Variants in SUCLG2 observed in about 807,000 individuals in gnomAD.
SUCLG2 encodes the protein succinate--CoA ligase [GDP-forming] subunit beta, mitochondrial.
Under a neutral mutation model 47.9 loss-of-function variants are expected in SUCLG2, and 42 were observed. The ratio of observed to expected loss-of-function variants is 0.88; its 90% CI spans 0.69 to 1.14. The LOEUF is 1.14. Ranked by LOEUF, SUCLG2 falls within the 50% of genes most tolerant of loss-of-function variation. SUCLG2 has a pLI of 0.00. For missense variants in SUCLG2, 571 were observed against 525.9 expected, an observed-to-expected ratio of 1.09 and a Z score of -0.84; for synonymous variants, 195 against 197.3, an observed-to-expected ratio of 0.99 and a Z score of 0.10.
chr3:67,642,264 C>G (rs1701114753), intron 1 of SUCLG2, among the ~76,000 whole-genome samples: 1 of 152,136 alleles, frequency 6.6e-6, no homozygotes, highest in Non-Finnish European at 1.5e-5. Flanking sequence ...GCTGTGACAA[C>G]AAGGAAGTTG....
At chr3:67,596,008 C>A (rs1319086509) in intron 2 of SUCLG2, among the ~76,000 whole-genome samples, 1 of 152,158 alleles carries the variant, frequency 6.6e-6, no homozygotes, top group Non-Finnish European at 1.5e-5. Context: ...AAAATCATTC[C>A]ATTTTGTAAA....
intron 9 of SUCLG2, among the ~76,000 whole-genome samples, chr3:67,469,205 G>A (rs1246482323): frequency 2.0e-5 from 3 of 152,202 alleles, no homozygotes; most frequent in Non-Finnish European, 4.4e-5. Context: ...AGAGTTATAA[G>A]CTGTGGTAAG....
At chr3:67,458,879 T>C (rs541355190) in intron 9 of SUCLG2, among the ~76,000 whole-genome samples, 1 of 152,324 alleles carries the variant, frequency 6.6e-6, no homozygotes, top group South Asian at 2.1e-4. Context: ...AATATTACCA[T>C]CTCTTTTTCA....
chr3:67,439,482 A>G (rs1703705780), intron 9 of SUCLG2, among the ~76,000 whole-genome samples: 1 of 152,154 alleles, frequency 6.6e-6, no homozygotes, highest in Non-Finnish European at 1.5e-5. Context: ...TATTTAGAAA[A>G]CCCCATTGTC....
At chr3:67,392,829 T>A (rs1016001114) in intron 10 of SUCLG2, among the ~76,000 whole-genome samples, 1 of 151,888 alleles carries the variant, frequency 6.6e-6, no homozygotes, top group Non-Finnish European at 1.5e-5. Context: ...GTACTTTTTT[T>A]TTTGAGATGG....
chr3:67,398,567 T>C (rs971671717), intron 10 of SUCLG2, among the ~76,000 whole-genome samples: 40 of 151,900 alleles, frequency 2.6e-4, no homozygotes, highest in Non-Finnish European at 5.7e-4. Flanking sequence ...TTTTACACTG[T>C]TGGTGGGACT....
intron 10 of SUCLG2, among the ~76,000 whole-genome samples, chr3:67,394,723 G>T (rs910672446): frequency 2.0e-5 from 3 of 151,148 alleles, no homozygotes; most frequent in Non-Finnish European, 3.0e-5. Context: ...ATAATTGTCA[G>T]ATTCACCAAA....
intron 9 of SUCLG2, among the ~76,000 whole-genome samples, chr3:67,414,156 A>G (rs556622089): frequency 1.1e-4 from 16 of 152,158 alleles, no homozygotes; most frequent in African/African-American, 1.4e-4. Flanking sequence ...GGCATCTCCC[A>G]TTTTTTTGTT....
chr3:67,580,100 T>C (rs1707842728), intron 2 of SUCLG2, among the ~76,000 whole-genome samples: 1 of 152,224 alleles, frequency 6.6e-6, no homozygotes, highest in Non-Finnish European at 1.5e-5. Context: ...ATTTCTTAAT[T>C]ATGTTACTAC....
chr3:67,454,076 T>C (rs1704123103), intron 9 of SUCLG2, among the ~76,000 whole-genome samples: 1 of 152,214 alleles, frequency 6.6e-6, no homozygotes, highest in Non-Finnish European at 1.5e-5. Context: ...CAATATAAAT[T>C]GCTTAAAATA....
At chr3:67,610,275 C>A (rs966261665) in intron 1 of SUCLG2, among the ~76,000 whole-genome samples, 2 of 152,046 alleles carry the variant, frequency 1.3e-5, no homozygotes, top group Non-Finnish European at 2.9e-5. Context: ...AGTGCAATAA[C>A]CTGAAAGACT....
intron 1 of SUCLG2, among the ~76,000 whole-genome samples, chr3:67,610,942 G>A (rs1700517191): frequency 6.6e-6 from 1 of 152,156 alleles, no homozygotes; most frequent in Non-Finnish European, 1.5e-5. Context: ...GGTAGAAAGT[G>A]TGCCTTAAAC....
chr3:67,360,822 T>G (rs2106737057), intron 10 of SUCLG2: 1 of 1,385,984 alleles, frequency 7.2e-7, no homozygotes, highest in Non-Finnish European at 9.6e-7. Context: ...TATATTTAGA[T>G]GAACAACAAC....
intron 6 of SUCLG2, among the ~76,000 whole-genome samples, chr3:67,516,473 C>A (rs916570897): frequency 2.0e-5 from 3 of 152,194 alleles, no homozygotes; most frequent in African/African-American, 7.2e-5. Flanking sequence ...CTATTATGTT[C>A]ACCTCCTGAG....
rs927135960 is a variant in SUCLG2, at chr3:67,375,137, T to C, written c.*607A>G. The C allele has an allele frequency of 1.0e-6, 1 of 985,448 alleles. No individual in the cohort carries two copies. Among genetic ancestry groups the C allele is most frequent in the Non-Finnish European group, 1.2e-6 (1 of 829,700 alleles). The allele number at this position is 985,448 out of a possible 1,614,324, so 61.0% of individuals were successfully genotyped here. On this transcript the variant is annotated 3_prime_UTR_variant, in exon 11 of 11. Coordinates refer to ENST00000307227, the MANE Select transcript of SUCLG2 (RefSeq NM_003848.4). Reference sequence around the variant, plus strand: ...AAATGGTAAAAACACATGGATGGTATATTAATGCAGATATTCCATTATTAA... The same window carrying C: ...AAATGGTAAAAACACATGGATGGTACATTAATGCAGATATTCCATTATTAA...
rs564633548 is a variant in SUCLG2, at chr3:67,538,173, G to T, written c.227-8987C>A. 3.3e-5 allele frequency among the ~76,000 whole-genome samples: 5 copies of T among 152,276 alleles called. No individual in the cohort carries two copies. In the East Asian group the frequency reaches 7.7e-4, roughly 23 times the overall value. On this transcript the variant is annotated intron_variant, in intron 2 of 10. Coordinates refer to ENST00000307227, the MANE Select transcript of SUCLG2 (RefSeq NM_003848.4). ...CCTATGTCCTGAATGGTATTGCCTAGGCTTTCTTGTAGGGTTTTGATCGTT... is the reference window on the plus strand; with the variant it reads ...CCTATGTCCTGAATGGTATTGCCTATGCTTTCTTGTAGGGTTTTGATCGTT...
intron 9 of SUCLG2, among the ~76,000 whole-genome samples, chr3:67,457,541 C>T (rs1704215892): frequency 6.6e-6 from 1 of 152,092 alleles, no homozygotes. Context: ...TACCCTCCTA[C>T]TTACAGAAGA....
intron 9 of SUCLG2, among the ~76,000 whole-genome samples, chr3:67,432,961 A>C (rs1431008395): frequency 6.6e-6 from 1 of 152,210 alleles, no homozygotes; most frequent in East Asian, 1.9e-4. Context: ...TTGAAGGAAT[A>C]ACTAATTTCT....
rs375109331 is a variant in SUCLG2 at position 67,640,628 on chromosome 3, A to G, written c.84+13875T>C. The stretch of plus-strand genomic sequence containing the variant: ...CTCGTTGAGCATTCCATGGAATATT[A>G]TTGCTGGCTAATTTTCACCACTATT... On this transcript the variant is annotated intron_variant, in intron 1 of 10. Transcript: ENST00000307227. 2.6e-4 allele frequency among the ~76,000 whole-genome samples: 40 copies of G among 152,144 alleles called. No homozygotes were observed. The South Asian group carries it at 7.9e-3, about 30-fold the overall frequency.
Sources: gnomAD v4.1 joint callset for allele counts (sites outside exome capture counted in the v4.1 genomes callset) on GRCh38, gnomAD v4.1.1 for gene constraint, MANE v1.5 for transcripts, NCBI Gene and HGNC (gene_info 2026-07-23, HGNC 2026-07-21) for gene names.